The following ADAMTS20 variants were observed in gnomAD, a reference collection of about 807,000 sequenced individuals.
The protein encoded by ADAMTS20 is A disintegrin and metalloproteinase with thrombospondin motifs 20.
In ADAMTS20, 225 loss-of-function variants were observed where a neutral mutation model predicts 260.1. The ratio of observed to expected loss-of-function variants is 0.87; its 90% CI spans 0.78 to 0.97. The LOEUF (loss-of-function observed/expected upper bound fraction) is 0.97. Among genes scored for constraint, ADAMTS20 ranks in the 50% least tolerant of loss-of-function variants. ADAMTS20 has a pLI of 0.00. For missense variants in ADAMTS20, 2,400 were observed against 2,337.7 expected, an observed-to-expected ratio of 1.03 and a Z score of -0.55; for synonymous variants, 802 against 769.5, an observed-to-expected ratio of 1.04 and a Z score of -0.70.
At position 43,466,754 on chromosome 12, in the gene ADAMTS20, AT is replaced by A; in HGVS notation, c.1264del (p.Met422Ter). The A allele has an allele frequency of 1.2e-6, 2 of 1,608,940 alleles. No individual in the cohort carries two copies. The highest frequency in any genetic ancestry group is 1.7e-6 in the Non-Finnish European group (2 of 1,176,206). The stretch of plus-strand genomic sequence containing the variant: ...CATTACATGATACTTTGTAACTTTC[AT>A]TTCTTTACATCTAGGATTATCATCA... ...QHDDNPRCKE[M>X]KVTKYHVMAP... On this transcript the variant is annotated frameshift_variant, in exon 9 of 39. Coordinates refer to ENST00000389420, the MANE Select transcript of ADAMTS20 (RefSeq NM_025003.5). LOFTEE classifies it high-confidence loss of function.
intron 3 of ADAMTS20, among the ~76,000 whole-genome samples, chr12:43,524,856 T>A (rs1312618614): frequency 6.6e-6 from 1 of 152,182 alleles, no homozygotes; most frequent in African/African-American, 2.4e-5. Flanking sequence ...TCTAAGATTA[T>A]GTAAAACAAT....
intron 6 of ADAMTS20, among the ~76,000 whole-genome samples, chr12:43,491,109 A>G (rs1201003748): frequency 1.3e-5 from 2 of 152,180 alleles, no homozygotes; most frequent in African/African-American, 2.4e-5. Context: ...AATGGACTGC[A>G]TATATGACAT....
chr12:43,492,493 C>G lies in ADAMTS20; in HGVS notation c.1076+12G>C. On this transcript the variant is annotated intron_variant, in intron 6 of 38. Transcript: ENST00000389420. ...AAGGATTGTATGGGAAGGGTTATTT[C>G]TATAATCATACCTAGTGATAAGAAC... The G allele has an allele frequency of 6.2e-7, 1 of 1,613,072 alleles. No homozygotes were observed. The highest frequency in any genetic ancestry group is 8.5e-7 in the Non-Finnish European group (1 of 1,179,268).
chr12:43,510,806 A>C (rs545915566), intron 3 of ADAMTS20, among the ~76,000 whole-genome samples: 2 of 152,204 alleles, frequency 1.3e-5, no homozygotes, highest in South Asian at 4.1e-4. Flanking sequence ...GAATGCAAGG[A>C]GGATGTTAAA....
chr12:43,452,355 G>C lies in ADAMTS20; in HGVS notation c.1998C>G (p.Phe666Leu). 6.2e-7 allele frequency: 1 copy of C among 1,613,360 alleles called. No homozygotes were observed. The highest frequency in any genetic ancestry group is 8.5e-7 in the Non-Finnish European group (1 of 1,179,576). The change falls in exon 14 of 39, where the codon TTC becomes TTG. Residue 666 changes from phenylalanine to leucine, a missense_variant. Phe to Leu is a conservative substitution (Grantham distance 22). Transcript: ENST00000389420. The part of the protein sequence containing the change: ...LYCQVAGTNY[F>L]YLLKDMVEDG... Reference sequence around the variant, plus strand: ...CTTCAACCATATCCTTCAATAGGTAGAAATAATTGGTTCCAGCAACCTGAC... The same window carrying C: ...CTTCAACCATATCCTTCAATAGGTACAAATAATTGGTTCCAGCAACCTGAC...
In ADAMTS20 at chr12:43,551,303, C is replaced by T. The variant is rs1339802476; in HGVS notation, c.92-33G>A. The T allele has an allele frequency of 1.3e-6, 2 of 1,590,614 alleles. No homozygotes were observed. Among genetic ancestry groups the T allele is most frequent in the African/African-American group, 2.7e-5 (2 of 74,484 alleles). On this transcript the variant is annotated intron_variant, in intron 1 of 38. Transcript: ENST00000389420. This position sits in a 1 kb window ranked among gnomAD's most constrained non-coding sequence, Gnocchi z 4.6. ...AACAGCGACAGGACCAGTGAGCTCCCACGCGTTCCTCATTGTCCAACTCTA... is the reference window on the plus strand; with the variant it reads ...AACAGCGACAGGACCAGTGAGCTCCTACGCGTTCCTCATTGTCCAACTCTA...
chr12:43,370,565 C>T (rs1040094560), intron 36 of ADAMTS20, among the ~76,000 whole-genome samples: 1 of 152,210 alleles, frequency 6.6e-6, no homozygotes, highest in Non-Finnish European at 1.5e-5. Context: ...CAGCCAATTA[C>T]ACAATGATGA....
In ADAMTS20 at chr12:43,435,367, G is replaced by A. The variant is rs569237608; in HGVS notation, c.2594-996C>T. 3.3e-4 allele frequency among the ~76,000 whole-genome samples: 50 copies of A among 152,236 alleles called. 1 individual carries two copies. The highest frequency in any genetic ancestry group is 2.3e-3 in the Admixed American group (35 of 15,290). ...CTAAAAAATAAAGTCTAGGCCGGGC[G>A]TGTTGGCTCACACCTGTAATCTCAG... On this transcript the variant is annotated intron_variant, in intron 18 of 38. Coordinates refer to ENST00000389420, the MANE Select transcript of ADAMTS20 (RefSeq NM_025003.5).
intron 38 of ADAMTS20, among the ~76,000 whole-genome samples, 184 bp from the exon 39 acceptor site, chr12:43,354,482 G>T (rs577705347): frequency 6.6e-6 from 1 of 152,086 alleles, no homozygotes; most frequent in East Asian, 1.9e-4. Flanking sequence ...GTGGACATGG[G>T]AAAGTTAAAG....
At chr12:43,506,776 C>A (rs1180590065) in intron 3 of ADAMTS20, among the ~76,000 whole-genome samples, 1 of 134,542 alleles carries the variant, frequency 7.4e-6, no homozygotes, top group Admixed American at 7.9e-5. Flanking sequence ...CCGTGCCTGG[C>A]CACCTTTTTT....
intron 7 of ADAMTS20, among the ~76,000 whole-genome samples, chr12:43,472,164 A>G (rs11182096): frequency 0.23 from 32,689 of 143,752 alleles, 3,875 homozygotes; most frequent in African/African-American, 0.32. Context: ...GCTGAAAACC[A>G]AGGCTCGAGA....
chr12:43,475,686 G>A (rs1024034221), intron 7 of ADAMTS20, among the ~76,000 whole-genome samples: 15 of 149,174 alleles, frequency 1.0e-4, no homozygotes, highest in African/African-American at 2.2e-4. Flanking sequence ...CAGAAATAAC[G>A]CCGCATACCT....
At chr12:43,492,386 A>T in intron 6 of ADAMTS20, 119 bp downstream of exon 6, 1 of 1,230,696 alleles carries the variant, frequency 8.1e-7, no homozygotes, top group Non-Finnish European at 1.1e-6. Context: ...TCTCAAAAAA[A>T]AAAGAAAAAG....
At chr12:43,451,434 C>G (rs548542136) in intron 14 of ADAMTS20, among the ~76,000 whole-genome samples, 1 of 151,958 alleles carries the variant, frequency 6.6e-6, no homozygotes, top group Admixed American at 6.6e-5. Context: ...ATATGCAAAT[C>G]GAATCACATC....
At chr12:43,379,807 TCA>T (rs1940310453) in intron 31 of ADAMTS20, among the ~76,000 whole-genome samples, 1 of 152,094 alleles carries the variant, frequency 6.6e-6, no homozygotes, top group Non-Finnish European at 1.5e-5. Context: ...AATAGACTTA[TCA>T]CAAGTAAAGA....
Position 43,502,225 on chromosome 12 carries a change from A to G in ADAMTS20, c.794T>C (p.Val265Ala). The G allele has an allele frequency of 6.2e-7, 1 of 1,612,286 alleles. No individual in the cohort carries two copies. The highest frequency in any genetic ancestry group is 1.3e-5 in the African/African-American group (1 of 74,954). ...ISYPRYIEIM[V>A]TADAKVVSAH... is the part of the protein sequence containing the mutation. ...AGAAACCACTTTAGCATCAGCTGTA[A>G]CCATAATTTCAATGTATCTTGGATA... Residue 265 changes from valine (V) to alanine (A), a missense_variant, in exon 4 of 39, where the codon GTT (valine) becomes GCT (alanine). Coordinates refer to ENST00000389420, the MANE Select transcript of ADAMTS20 (RefSeq NM_025003.5).
intron 29 of ADAMTS20, among the ~76,000 whole-genome samples, chr12:43,392,153 A>T (rs973412084): frequency 2.0e-5 from 3 of 152,124 alleles, no homozygotes; most frequent in African/African-American, 7.2e-5. Flanking sequence ...ATGGCACAAT[A>T]TTAAATAGAC....
At chr12:43,530,835 T>C (rs1943211096) in intron 3 of ADAMTS20, among the ~76,000 whole-genome samples, 1 of 152,090 alleles carries the variant, frequency 6.6e-6, no homozygotes, top group Non-Finnish European at 1.5e-5. Context: ...TCTATGCTTC[T>C]TAGATTCTAA....
intron 8 of ADAMTS20, 100 bp downstream of exon 8, chr12:43,468,500 A>G: frequency 1.3e-6 from 1 of 769,138 alleles, no homozygotes; most frequent in Non-Finnish European, 2.2e-6. Flanking sequence ...CATTTTATGA[A>G]GAAACAAAGG....
Sources: gnomAD v4.1 joint callset for allele counts (sites outside exome capture counted in the v4.1 genomes callset) on GRCh38, gnomAD v4.1.1 for gene constraint, Gnocchi (gnomAD v3.1) non-coding constraint, MANE v1.5 for transcripts, NCBI Gene and HGNC (gene_info 2026-07-23, HGNC 2026-07-21) for gene names.